TULP4: variants seen among roughly 807,000 people sequenced by gnomAD.
TULP4 encodes the protein TUB like protein 4.
Under a neutral mutation model 129.0 loss-of-function variants are expected in TULP4, and 16 were observed. That is an observed-to-expected ratio of 0.12 (90% confidence interval 0.08 to 0.19). The LOEUF is 0.19. Among genes scored for constraint, TULP4 ranks in the 10% least tolerant of loss-of-function variants. The probability of loss-of-function intolerance (pLI) is 1.00; values close to 1 mark genes in which losing one functional copy is unlikely to be tolerated. For synonymous variants in TULP4, 998 were observed against 854.0 expected, an observed-to-expected ratio of 1.17 and a Z score of -2.94; for missense variants, 1,842 against 2,059.1, an observed-to-expected ratio of 0.89 and a Z score of 2.04.
chr6:158,429,480 A>G (rs781417103), intron 2 of TULP4, among the ~76,000 whole-genome samples: 1 of 152,004 alleles, frequency 6.6e-6, no homozygotes, highest in Non-Finnish European at 1.5e-5. Flanking sequence ...GTATCTCGTT[A>G]TTTTGTCTAG....
intron 1 of TULP4, among the ~76,000 whole-genome samples, chr6:158,341,388 A>G (rs896168277): frequency 2.6e-5 from 4 of 152,246 alleles, no homozygotes; most frequent in African/African-American, 9.6e-5. Context: ...CTGGTGCTAC[A>G]GTAAACATGG....
intron 1 of TULP4, among the ~76,000 whole-genome samples, chr6:158,232,850 C>A (rs1045295986): frequency 6.6e-6 from 1 of 152,168 alleles, no homozygotes. Context: ...CCCGGGCGAG[C>A]CGGGTGACTG....
chr6:158,329,540 C>G (rs1779827363), intron 1 of TULP4, among the ~76,000 whole-genome samples: 1 of 150,768 alleles, frequency 6.6e-6, no homozygotes, highest in Admixed American at 6.6e-5. Context: ...TCCTTGGTAG[C>G]AGAAATAAAT....
chr6:158,241,238 G>T (rs939123056), intron 1 of TULP4, among the ~76,000 whole-genome samples: 1 of 126,492 alleles, frequency 7.9e-6, no homozygotes, highest in Non-Finnish European at 1.8e-5. Context: ...TGGCGGCCGG[G>T]CGGAGACGCT....
At chr6:158,384,210 C>T (rs554070190) in intron 1 of TULP4, among the ~76,000 whole-genome samples, 2 of 151,898 alleles carry the variant, frequency 1.3e-5, no homozygotes, top group African/African-American at 2.4e-5. Context: ...ATTTTTATTA[C>T]CATAATGTAG....
intron 2 of TULP4, among the ~76,000 whole-genome samples, chr6:158,422,441 G>A (rs1456557039): frequency 6.6e-6 from 1 of 152,158 alleles, no homozygotes; most frequent in Non-Finnish European, 1.5e-5. Flanking sequence ...ACCTCACACC[G>A]TGCATAAAAA....
intron 2 of TULP4, among the ~76,000 whole-genome samples, chr6:158,417,762 C>CA (rs1778243166): frequency 6.6e-6 from 1 of 152,140 alleles, no homozygotes. Context: ...ATATAGCATG[C>CA]TTTTCATTGT....
rs1218017929 is a variant in TULP4, at chr6:158,494,672, T to C, written c.1777-81T>C. 2.3e-6 allele frequency: 3 copies of C among 1,298,608 alleles called. No individual in the cohort carries two copies. In the African/African-American group the frequency reaches 4.4e-5, roughly 19 times the overall value. The allele number at this position is 1,298,608 out of a possible 1,614,324, so 80.4% of individuals were successfully genotyped here. A position where few individuals can be genotyped will look rare whatever the true frequency, so the allele number is the denominator to read the frequency against. The stretch of plus-strand genomic sequence containing the variant: ...GCACACTCGTGGCTTAAGTAATAAA[T>C]ATTAACATTCTTACTGAGTGACCAG... On this transcript the variant is annotated intron_variant, in intron 10 of 13. Coordinates refer to ENST00000367097, the MANE Select transcript of TULP4 (RefSeq NM_020245.5).
chr6:158,493,607 C>T lies in TULP4; in HGVS notation c.1666C>T (p.Pro556Ser). Reference protein sequence around the residue: ...SIEARKSPKLPRAAQELSRSP... With the variant: ...SIEARKSPKLSRAAQELSRSP... ...TGAGGCCCGCAAGTCACCCAAGCTG[C>T]CCCGGGCTGCTCAGGAGCTCTCCCG... is the stretch of plus-strand genomic sequence containing the variant. The change falls in exon 10 of 14, where the codon CCC (proline) becomes TCC (serine). Residue 556 changes from proline to serine, a missense_variant. Physicochemically the swap from Pro to Ser is moderately conservative, Grantham distance 74. Transcript: ENST00000367097. The surrounding 1 kb of genome is among the most constrained non-coding windows in gnomAD (Gnocchi z 4.4). 1 of 1,581,222 alleles carries T rather than the reference C, an allele frequency of 6.3e-7. No individual in the cohort carries two copies. Among genetic ancestry groups the T allele is most frequent in the Non-Finnish European group, 8.6e-7 (1 of 1,164,076 alleles).
At chr6:158,290,223 T>A (rs1330578919) in intron 1 of TULP4, among the ~76,000 whole-genome samples, 1 of 152,230 alleles carries the variant, frequency 6.6e-6, no homozygotes, top group African/African-American at 2.4e-5. Context: ...ATAGCCATTT[T>A]AACTGGGGTG....
At chr6:158,273,566 A>T (rs1005176423) in intron 1 of TULP4, among the ~76,000 whole-genome samples, 2 of 152,158 alleles carry the variant, frequency 1.3e-5, no homozygotes, top group African/African-American at 4.8e-5. Flanking sequence ...AACATTGCAG[A>T]CTCAACATGC....
At chr6:158,487,421 G>A (rs897995121) in intron 8 of TULP4, among the ~76,000 whole-genome samples, 2 of 152,152 alleles carry the variant, frequency 1.3e-5, no homozygotes, top group African/African-American at 4.8e-5. Context: ...CTCCAGCCTA[G>A]GCGACAGAGC....
chr6:158,348,185 T>TTTTTTAGTA (rs1780361709), intron 1 of TULP4, among the ~76,000 whole-genome samples: 1 of 148,180 alleles, frequency 6.7e-6, no homozygotes, highest in Non-Finnish European at 1.5e-5. Flanking sequence ...TTTTTTTTTT[T>TTTTTTAGTA]TTTAGTATTT....
chr6:158,348,117 T>C, intron 1 of TULP4, among the ~76,000 whole-genome samples: 1 of 149,824 alleles, frequency 6.7e-6, no homozygotes, highest in East Asian at 2.0e-4. Context: ...ATAAATGCCA[T>C]AAATCCACTG....
Position 158,413,279 on chromosome 6 carries a change from C to A in TULP4, c.381+86C>A. On this transcript the variant is annotated intron_variant, in intron 2 of 13. Transcript: ENST00000367097. This position sits in a 1 kb window ranked among gnomAD's most constrained non-coding sequence, Gnocchi z 4.9. ...CATTCCGGAGCCAGTGCGTTAGCAC[C>A]ACACAGCGCCACGTGCTCCAGAGCT... is the stretch of plus-strand genomic sequence containing the variant. 1 of 1,428,678 alleles carries A rather than the reference C, an allele frequency of 7.0e-7. No individual in the cohort carries two copies. Among genetic ancestry groups the A allele is most frequent in the East Asian group, 2.4e-5 (1 of 41,738 alleles). The allele number at this position is 1,428,678 out of a possible 1,614,324, so 88.5% of individuals were successfully genotyped here.
At chr6:158,264,806 C>T (rs553048972) in intron 1 of TULP4, among the ~76,000 whole-genome samples, 1 of 152,288 alleles carries the variant, frequency 6.6e-6, no homozygotes, top group African/African-American at 2.4e-5. Context: ...GTTCTACAGA[C>T]CATCAGTGCC....
intron 2 of TULP4, among the ~76,000 whole-genome samples, chr6:158,426,049 AT>A (rs1158164482): frequency 4.6e-5 from 7 of 151,888 alleles, no homozygotes; most frequent in African/African-American, 1.5e-4. Context: ...GTCAGTTCTT[AT>A]TTTTTGTCCA....
intron 1 of TULP4, among the ~76,000 whole-genome samples, chr6:158,276,213 G>C (rs1400372559): frequency 6.6e-6 from 1 of 151,896 alleles, no homozygotes; most frequent in South Asian, 2.1e-4. Context: ...CGAATGATCT[G>C]CCCACCTTGG....
chr6:158,339,772 A>G (rs1201587277), intron 1 of TULP4, among the ~76,000 whole-genome samples: 1 of 152,142 alleles, frequency 6.6e-6, no homozygotes, highest in Admixed American at 6.5e-5. Flanking sequence ...AGGTGCCCAG[A>G]TTTCATATTG....
Sources: gnomAD v4.1 joint callset for allele counts (sites outside exome capture counted in the v4.1 genomes callset) on GRCh38, gnomAD v4.1.1 for gene constraint, Gnocchi (gnomAD v3.1) non-coding constraint, MANE v1.5 for transcripts, NCBI Gene and HGNC (gene_info 2026-07-23, HGNC 2026-07-21) for gene names.